Variants in GLG1 observed in about 807,000 individuals in gnomAD.
GLG1 encodes the protein Golgi apparatus protein 1.
Under a neutral mutation model 160.5 loss-of-function variants are expected in GLG1, and 38 were observed. The ratio of observed to expected loss-of-function variants is 0.24; its 90% CI spans 0.18 to 0.31. The LOEUF (loss-of-function observed/expected upper bound fraction) is 0.31, where lower values mean the gene tolerates loss of function less well. Among genes scored for constraint, GLG1 ranks in the 10% least tolerant of loss-of-function variants. GLG1 has a pLI of 1.00. For synonymous variants in GLG1, 644 were observed against 543.4 expected (o/e 1.19, Z -2.57); for missense variants, 1,373 against 1,505.2 (o/e 0.91, Z 1.45).
chr16:74,582,075 T>C (rs1957950067), intron 1 of GLG1, among the ~76,000 whole-genome samples: 1 of 152,210 alleles, frequency 6.6e-6, no homozygotes. Context: ...ACTGGTTCCC[T>C]GTTTCTTTGC....
At chr16:74,599,473 T>C (rs1375370359) in intron 1 of GLG1, among the ~76,000 whole-genome samples, 1 of 152,142 alleles carries the variant, frequency 6.6e-6, no homozygotes, top group African/African-American at 2.4e-5. Context: ...ATCCCACCAC[T>C]TTGGGAGGCC....
chr16:74,597,713 G>A (rs568399740), intron 1 of GLG1, among the ~76,000 whole-genome samples: 67 of 152,140 alleles, frequency 4.4e-4, no homozygotes, highest in African/African-American at 1.3e-3. Flanking sequence ...AATTAGCCGG[G>A]CATGGTGGCG....
intron 1 of GLG1, among the ~76,000 whole-genome samples, chr16:74,533,365 A>G (rs555807453): frequency 1.3e-5 from 2 of 152,348 alleles, no homozygotes; most frequent in South Asian, 4.1e-4. Flanking sequence ...ATTCCATGAC[A>G]GAAAAAAAGT....
intron 8 of GLG1, among the ~76,000 whole-genome samples, chr16:74,489,745 T>C (rs1597258046): frequency 1.3e-5 from 2 of 152,174 alleles, no homozygotes; most frequent in Middle Eastern, 3.2e-3. Context: ...TTTCCCACCA[T>C]GGGATGCATA....
chr16:74,471,196 T>C lies in GLG1; in HGVS notation c.2206A>G (p.Ile736Val), dbSNP rs749881414. 5.0e-6 allele frequency: 8 copies of C among 1,608,484 alleles called. No individual in the cohort carries two copies. The highest frequency in any genetic ancestry group is 6.8e-6 in the Non-Finnish European group (8 of 1,174,820). Residue 736 changes from isoleucine to valine, a missense_variant, in exon 15 of 26, where the codon ATC (isoleucine) becomes GTC (valine). Transcript: ENST00000422840. The stretch of plus-strand genomic sequence containing the variant: ...ACCAGCTGGAAGTGGGTAACTCCGA[T>C]GGCACACTTCTCGTTCATGTCCTTC... ...HQKDMNEKCA[I>V]GVTHFQLVQM...
intron 2 of GLG1, among the ~76,000 whole-genome samples, chr16:74,511,687 C>G (rs147138038): frequency 6.2e-4 from 94 of 150,570 alleles, no homozygotes; most frequent in African/African-American, 2.1e-3. Context: ...AAAATTAAAA[C>G]TATAAGCAGA....
intron 4 of GLG1, among the ~76,000 whole-genome samples, chr16:74,501,266 T>C (rs1016236867): frequency 7.2e-5 from 11 of 152,204 alleles, no homozygotes; most frequent in African/African-American, 2.7e-4. Flanking sequence ...AAGGTGTTTT[T>C]TCAGAAGTTC....
At chr16:74,583,422 C>G (rs993457481) in intron 1 of GLG1, among the ~76,000 whole-genome samples, 2 of 152,142 alleles carry the variant, frequency 1.3e-5, no homozygotes, top group Non-Finnish European at 2.9e-5. Context: ...CTCTTGTCCC[C>G]CAAGCTGGAG....
chr16:74,468,802 C>T (rs1297896638), intron 17 of GLG1, 144 bp downstream of exon 17: 19 of 647,330 alleles, frequency 2.9e-5, no homozygotes, highest in Admixed American at 7.4e-5. Flanking sequence ...AGCTAATGGT[C>T]GTATGTTAAA....
In GLG1 at chr16:74,540,481, T is replaced by A. The variant is rs1314424862; in HGVS notation, c.439-8328A>T. 2.6e-5 allele frequency among the ~76,000 whole-genome samples: 4 copies of A among 151,900 alleles called. No individual in the cohort carries two copies. In the East Asian group the frequency reaches 7.7e-4, roughly 29 times the overall value. On this transcript the variant is annotated intron_variant, in intron 1 of 25. Transcript: ENST00000422840. ...AGGGAAACATTTAGAGATATTTCTT[T>A]TCATATACAGAGCTCAACCAATCTT...
At chr16:74,454,589 C>G (rs1180355652) in intron 25 of GLG1, among the ~76,000 whole-genome samples, 1 of 140,982 alleles carries the variant, frequency 7.1e-6, no homozygotes, top group Non-Finnish European at 1.5e-5. Context: ...TTGCTTGAAC[C>G]CGGGAGGCGG....
intron 13 of GLG1, among the ~76,000 whole-genome samples, chr16:74,473,517 G>A (rs1252818186): frequency 1.4e-5 from 2 of 139,140 alleles, no homozygotes; most frequent in African/African-American, 5.5e-5. Flanking sequence ...TCGGCTCACT[G>A]GAAGCTCCGC....
At chr16:74,563,576 A>T (rs1420119559) in intron 1 of GLG1, among the ~76,000 whole-genome samples, 2 of 152,002 alleles carry the variant, frequency 1.3e-5, no homozygotes. Flanking sequence ...GAAACACAAA[A>T]ATTAGCGGGG....
chr16:74,474,679 G>A, intron 12 of GLG1, 47 bp from the exon 13 acceptor site: 1 of 875,098 alleles, frequency 1.1e-6, no homozygotes. Flanking sequence ...TCACATACAT[G>A]AACAAGGCAA....
intron 1 of GLG1, among the ~76,000 whole-genome samples, chr16:74,534,122 A>G (rs1279827766): frequency 1.3e-5 from 2 of 152,160 alleles, no homozygotes; most frequent in South Asian, 2.1e-4. Flanking sequence ...GGTAATCATA[A>G]GATTCTATTA....
intron 9 of GLG1, 31 bp from the exon 10 acceptor site, chr16:74,483,155 G>T: frequency 7.8e-7 from 1 of 1,281,818 alleles, no homozygotes. Context: ...ATTGTAACAA[G>T]AGAGAAGTGT....
intron 1 of GLG1, among the ~76,000 whole-genome samples, chr16:74,559,057 T>C (rs1597346378): frequency 6.6e-6 from 1 of 152,146 alleles, no homozygotes; most frequent in African/African-American, 2.4e-5. Flanking sequence ...ACTCATTTTT[T>C]AGATTTTTTT....
chr16:74,595,667 TAA>T (rs1238009547), intron 1 of GLG1, among the ~76,000 whole-genome samples: 5 of 152,378 alleles, frequency 3.3e-5, no homozygotes, highest in Admixed American at 3.3e-4. Flanking sequence ...TGGTTTTCAG[TAA>T]AGATATCTTT....
At position 74,532,545 on chromosome 16, in the gene GLG1, A is replaced by G. The variant is rs2017570993; in HGVS notation, c.439-392T>C. Among the ~76,000 whole-genome samples, 3 of 152,028 alleles carry G rather than the reference A, an allele frequency of 2.0e-5. 1 individual carries two copies. Among genetic ancestry groups the G allele is most frequent in the Non-Finnish European group, 4.4e-5 (3 of 68,008 alleles). ...TTATTTATTTTTTATTTTTTTTGAG[A>G]CAGGGTCTCACTCTGTCACCCAGGC... is the stretch of plus-strand genomic sequence containing the variant. On this transcript the variant is annotated intron_variant, in intron 1 of 25. Coordinates refer to ENST00000422840, the MANE Select transcript of GLG1 (RefSeq NM_001145667.2).
Sources: allele counts gnomAD v4.1 joint callset (sites outside exome capture counted in the v4.1 genomes callset), GRCh38; gene constraint gnomAD v4.1.1; transcripts MANE v1.5; gene names NCBI Gene and HGNC (gene_info 2026-07-23, HGNC 2026-07-21).